The following URB1 variants were observed in gnomAD, a reference collection of about 807,000 sequenced individuals.
URB1 encodes nucleolar pre-ribosomal-associated protein 1.
Under a neutral mutation model 242.3 loss-of-function variants are expected in URB1, and 197 were observed. The observed-to-expected ratio is 0.81, with a 90% CI of 0.72 to 0.91. The LOEUF is 0.91. URB1 is among the 40% of genes least tolerant of loss of function. The probability of loss-of-function intolerance (pLI) is 0.00; values close to 1 mark genes in which losing one functional copy is unlikely to be tolerated. For missense variants in URB1, 2,721 were observed against 2,860.5 expected (o/e 0.95, Z 1.11); for synonymous variants, 1,153 against 1,201.8 (o/e 0.96, Z 0.84).
Position 32,312,568 on chromosome 21 carries a change from A to G in URB1, c.*2350T>C, listed in dbSNP as rs2032607374. 1 of 164,738 alleles carries G rather than the reference A, an allele frequency of 6.1e-6. No individual in the cohort carries two copies. The highest frequency in any genetic ancestry group is 2.4e-5 in the African/African-American group (1 of 41,758). 10.2% of individuals were successfully genotyped at this position (164,738 alleles called of 1,614,324 possible). A position where few individuals can be genotyped will look rare whatever the true frequency, so the allele number is the denominator to read the frequency against. ...GTCTCCCCTGGAGGGCAGGCAGCCAACGCCTGTCAGCAGCCAGGCCGGGTA... is the reference window on the plus strand; with the variant it reads ...GTCTCCCCTGGAGGGCAGGCAGCCAGCGCCTGTCAGCAGCCAGGCCGGGTA... On this transcript the variant is annotated 3_prime_UTR_variant, in exon 39 of 39. Coordinates refer to ENST00000382751, the MANE Select transcript of URB1 (RefSeq NM_014825.3).
chr21:32,343,299 G>C (rs370229853), intron 24 of URB1, among the ~76,000 whole-genome samples: 6 of 152,088 alleles, frequency 3.9e-5, no homozygotes, highest in Non-Finnish European at 7.4e-5. Flanking sequence ...TGGTAGAGGA[G>C]AGTGGACATC....
rs1471565909 is a variant in URB1, at chr21:32,337,469, G to C, written c.4556C>G (p.Ser1519Cys). Residue 1519 changes from serine (S) to cysteine (C), a missense_variant, in exon 27 of 39, where the codon TCT becomes TGT. Ser to Cys is a moderately radical substitution (Grantham distance 112). Transcript: ENST00000382751. ...TGCAAAGTGGCTGCTCTCACAGACA[G>C]AGGGGCACATCTCCACCACCGTCAG... ...LMLTVVEMCP[S>C]VCESSHFAVL... 1.9e-6 allele frequency: 3 copies of C among 1,550,956 alleles called. No homozygotes were observed. In the African/African-American group the frequency reaches 4.1e-5, roughly 21 times the overall value.
chr21:32,340,552 G>A (rs1173743675), intron 25 of URB1, among the ~76,000 whole-genome samples: 1 of 152,100 alleles, frequency 6.6e-6, no homozygotes, highest in East Asian at 1.9e-4. Flanking sequence ...GACAGATGCT[G>A]CAGTAAGCCG....
At position 32,338,641 on chromosome 21, in the gene URB1, G is replaced by A. The variant is rs2032991164; in HGVS notation, c.4510+66C>T. ...CCGGAGGGAGATGAGCCTCAGTGCA[G>A]CCAGTGTAAGGAAATCAGGAGATAA... On this transcript the variant is annotated intron_variant, in intron 26 of 38. Transcript: ENST00000382751. The A allele has an allele frequency of 2.6e-6, 4 of 1,519,976 alleles. No individual in the cohort carries two copies. In the East Asian group the frequency reaches 9.8e-5, roughly 37 times the overall value. 94.2% of individuals were successfully genotyped at this position (1,519,976 alleles called of 1,614,324 possible).
In URB1 at chr21:32,317,749, G is replaced by A. The variant is rs575058912; in HGVS notation, c.5961C>T (p.Leu1987=). The A allele has an allele frequency of 6.4e-6, 10 of 1,551,878 alleles. No homozygotes were observed. The African/African-American group carries it at 9.6e-5, about 15-fold the overall frequency. ...DVLVLLHKWS[L]IERDLKLQED... ...CCTGGAGCTTGAGGTCTCTTTCAAT[G>A]AGGCTCCACTTGTGCAAGAGGACAA... Residue 1987 remains leucine (L), a synonymous_variant, in exon 37 of 39, where the codon CTC becomes CTT. Coordinates refer to ENST00000382751, the MANE Select transcript of URB1 (RefSeq NM_014825.3).
chr21:32,357,642 T>G lies in URB1; in HGVS notation c.1884A>C (p.Ala628=). Residue 628 remains alanine (A), a synonymous_variant, in exon 15 of 39, where the codon GCA becomes GCC. Transcript: ENST00000382751. ...CTGATCGTTCACCTCCAATAATTTCTGCATCTGGGCCTTCCTAGAGTTTAA... is the reference window on the plus strand; with the variant it reads ...CTGATCGTTCACCTCCAATAATTTCGGCATCTGGGCCTTCCTAGAGTTTAA... ...LWLKAQEGPD[A]EIIGGERSVF... The G allele has an allele frequency of 6.7e-7, 1 of 1,502,932 alleles. No individual in the cohort carries two copies. The highest frequency in any genetic ancestry group is 1.4e-5 in the South Asian group (1 of 72,414). 93.1% of individuals were successfully genotyped at this position (1,502,932 alleles called of 1,614,324 possible). A position where few individuals can be genotyped will look rare whatever the true frequency, so the allele number is the denominator to read the frequency against.
intron 6 of URB1, 128 bp from the exon 7 acceptor site, chr21:32,373,900 ATTTGGTTT>A: frequency 9.7e-7 from 1 of 1,028,168 alleles, no homozygotes; most frequent in African/African-American, 1.7e-5. Context: ...GTGGCAGAAA[ATTTGGTTT>A]AAAAAAAGGA....
Position 32,368,479 on chromosome 21 carries a change from T to C in URB1, c.1121A>G (p.Tyr374Cys). The change falls in exon 9 of 39, where the codon TAC (tyrosine) becomes TGC (cysteine). Residue 374 changes from tyrosine to cysteine, a missense_variant. Physicochemically the swap from Tyr to Cys is radical, Grantham distance 194. Transcript: ENST00000382751. ...LKVCPDLLNK[Y>C]FKEVTFSFIP... ...AAAGGAAAACGTTACTTCCTTGAAGTATTTGTTCAGTAAGTCCGGGCACAC... is the reference window on the plus strand; with the variant it reads ...AAAGGAAAACGTTACTTCCTTGAAGCATTTGTTCAGTAAGTCCGGGCACAC... 1 of 1,551,888 alleles carries C rather than the reference T, an allele frequency of 6.4e-7. No homozygotes were observed. The highest frequency in any genetic ancestry group is 1.4e-5 in the African/African-American group (1 of 73,140).
rs374108493 is a variant in URB1, at chr21:32,387,207, C to G, written c.143-1523G>C. Among the ~76,000 whole-genome samples the G allele has an allele frequency of 9.9e-5, 15 of 152,264 alleles. No individual in the cohort carries two copies. The East Asian group carries it at 2.5e-3, about 25-fold the overall frequency. On this transcript the variant is annotated intron_variant, in intron 1 of 38. Coordinates refer to ENST00000382751, the MANE Select transcript of URB1 (RefSeq NM_014825.3). ...TACCACTGACACCTGAATCTGAACC[C>G]CCACCACAACCCCACCCTACCAACT...
At chr21:32,349,602 A>G (rs2033133212) in intron 20 of URB1, 119 bp from the exon 21 acceptor site, 3 of 1,001,980 alleles carry the variant, frequency 3.0e-6, no homozygotes, top group African/African-American at 1.6e-5. Context: ...TGAGATGGCA[A>G]CTCCTCACAG....
intron 5 of URB1, among the ~76,000 whole-genome samples, chr21:32,376,957 C>A (rs986850070): frequency 4.6e-5 from 7 of 152,234 alleles, no homozygotes; most frequent in Non-Finnish European, 1.0e-4. Flanking sequence ...CCACGACGGC[C>A]AGCCTCCAGA....
chr21:32,325,029 C>T (rs2032812863), intron 31 of URB1, among the ~76,000 whole-genome samples, 200 bp downstream of exon 31: 2 of 152,182 alleles, frequency 1.3e-5, no homozygotes, highest in African/African-American at 4.8e-5. Flanking sequence ...TTCTCAACCT[C>T]CACGGGGGGT....
rs771887868 is a variant in URB1, at chr21:32,392,772, GC to G, written c.138del (p.Pro47GlnfsTer26). ...GCGCCTGCCGCCCCGGACTCACCTG[GC>G]CCGGGGCCCTGCGGGTCCTTCAGCT... ...KAQLKDPQGP[G>X]PGLEAFVSAA... On this transcript the variant is annotated frameshift_variant, in exon 1 of 39. Transcript: ENST00000382751. LOFTEE classifies it high-confidence loss of function. The G allele has an allele frequency of 1.1e-5, 16 of 1,479,082 alleles. No homozygotes were observed. The highest frequency in any genetic ancestry group is 8.9e-5 in the South Asian group (7 of 78,500). 91.6% of individuals were successfully genotyped at this position (1,479,082 alleles called of 1,614,324 possible). A position where few individuals can be genotyped will look rare whatever the true frequency, so the allele number is the denominator to read the frequency against.
chr21:32,316,672 C>T lies in URB1; in HGVS notation c.6428G>A (p.Ser2143Asn). 6.4e-7 allele frequency: 1 copy of T among 1,551,458 alleles called. No individual in the cohort carries two copies. Among genetic ancestry groups the T allele is most frequent in the Non-Finnish European group, 8.7e-7 (1 of 1,146,912 alleles). Residue 2143 changes from serine (S) to asparagine (N), a missense_variant, in exon 38 of 39, where the codon AGT becomes AAT. Physicochemically the swap from Ser to Asn is conservative, Grantham distance 46 (BLOSUM62 1). Coordinates refer to ENST00000382751, the MANE Select transcript of URB1 (RefSeq NM_014825.3). ...PVVVADLLKD[S>N]AVRSSIFRLY... is the part of the protein sequence containing the mutation. ...CCTGAATATGCTGCTCCTCACGGCA[C>T]TGTCCTTAAGGAGGTCAGCCACGAC...
At chr21:32,381,740 A>G (rs933447636) in intron 4 of URB1, among the ~76,000 whole-genome samples, 1 of 152,218 alleles carries the variant, frequency 6.6e-6, no homozygotes, top group Non-Finnish European at 1.5e-5. Flanking sequence ...CTGTTAGAGT[A>G]CATGCTGAAA....
rs2833765 is a variant in URB1, at chr21:32,321,947, A to T, written c.5341-3T>A. Reference sequence around the variant, plus strand: ...ACCCACTTCTGCTCTGTTTTTTGCTATAACCCAGGCACACAAAAAACTGTT... The same window carrying T: ...ACCCACTTCTGCTCTGTTTTTTGCTTTAACCCAGGCACACAAAAAACTGTT... On this transcript the variant is annotated splice_region_variant and splice_polypyrimidine_tract_variant and intron_variant, in intron 33 of 38. Coordinates refer to ENST00000382751, the MANE Select transcript of URB1 (RefSeq NM_014825.3). 0.12 allele frequency: 187,804 copies of T among 1,550,824 alleles called. 12,531 individuals carry two copies. The highest frequency in any genetic ancestry group is 0.25 in the African/African-American group (18,496 of 73,086).
chr21:32,322,637 T>A, intron 32 of URB1, 53 bp from the exon 33 acceptor site: 1 of 1,363,528 alleles, frequency 7.3e-7, no homozygotes, highest in South Asian at 1.2e-5. Flanking sequence ...GGACGCCCCC[T>A]GGTCTGGCAG....
At chr21:32,371,562 G>A (rs938534938) in intron 8 of URB1, among the ~76,000 whole-genome samples, 4 of 152,096 alleles carry the variant, frequency 2.6e-5, no homozygotes, top group Non-Finnish European at 5.9e-5. Flanking sequence ...ATCAAAACAC[G>A]TCCAAAGTCA....
rs570196424 is a variant in URB1, at chr21:32,312,423, C to A, written c.*2495G>T. On this transcript the variant is annotated 3_prime_UTR_variant, in exon 39 of 39. Transcript: ENST00000382751. ...AGTTCCCATCCAAGCTCCACTAACA[C>A]CCGCCGGCTCCCCCAGATGTGATGG... is the stretch of plus-strand genomic sequence containing the variant. The A allele has an allele frequency of 3.9e-6, 3 of 770,804 alleles. No homozygotes were observed. In the South Asian group the frequency reaches 7.5e-5, roughly 19 times the overall value. The allele number at this position is 770,804 out of a possible 1,614,324, so 47.7% of individuals were successfully genotyped here.
Sources: gnomAD v4.1 joint callset for allele counts (sites outside exome capture counted in the v4.1 genomes callset) on GRCh38, gnomAD v4.1.1 for gene constraint, MANE v1.5 for transcripts, NCBI Gene and HGNC (gene_info 2026-07-23, HGNC 2026-07-21) for gene names.